CANX: variants seen among roughly 807,000 people sequenced by gnomAD.
CANX encodes epididymis secretory sperm binding protein.
In CANX, 14 loss-of-function variants were observed where a neutral mutation model predicts 75.7. The observed-to-expected ratio is 0.19, with a 90% CI of 0.12 to 0.29. The LOEUF (loss-of-function observed/expected upper bound fraction) is 0.29, where lower values mean the gene tolerates loss of function less well. Among genes scored for constraint, CANX ranks in the 10% least tolerant of loss-of-function variants. CANX has a pLI of 1.00. For missense variants in CANX, 567 were observed against 713.2 expected (o/e 0.79, Z 2.34); for synonymous variants, 227 against 236.9 (o/e 0.96, Z 0.38).
chr5:179,694,302 G>A (rs747505364), upstream of CANX: 1 of 525,864 alleles, frequency 1.9e-6, no homozygotes, highest in Non-Finnish European at 3.5e-6. Context: ...TGTCAATTTT[G>A]CAGAATTTTC....
chr5:179,680,497 C>T (rs1167816045), intron 1 of CANX, among the ~76,000 whole-genome samples: 2 of 152,096 alleles, frequency 1.3e-5, no homozygotes, highest in East Asian at 1.9e-4. Context: ...CGTGTATAGA[C>T]CACAGTCCAG....
chr5:179,717,448 A>G (rs1031317451), intron 8 of CANX, among the ~76,000 whole-genome samples: 2 of 152,328 alleles, frequency 1.3e-5, no homozygotes, highest in East Asian at 3.9e-4. Flanking sequence ...TATATTTCAT[A>G]TAAAATGGAA....
chr5:179,689,432 G>C (rs1776260911), intron 1 of CANX, among the ~76,000 whole-genome samples: 1 of 116,562 alleles, frequency 8.6e-6, no homozygotes, highest in Non-Finnish European at 1.7e-5. Flanking sequence ...TTGTTGCCCA[G>C]GTGGGAGTGT....
intron 10 of CANX, among the ~76,000 whole-genome samples, chr5:179,721,890 G>GCA (rs1480618714): frequency 6.6e-6 from 1 of 151,846 alleles, no homozygotes; most frequent in African/African-American, 2.4e-5. Flanking sequence ...CAGGATCTTG[G>GCA]CATAGTATAT....
intron 1 of CANX, among the ~76,000 whole-genome samples, chr5:179,703,644 T>A (rs896058245): frequency 6.6e-6 from 1 of 151,008 alleles, no homozygotes; most frequent in Non-Finnish European, 1.5e-5. Context: ...CAGGATAATT[T>A]TTTTTTTTTT....
At chr5:179,695,838 G>A (rs374197633), upstream of CANX, among the ~76,000 whole-genome samples, 58 of 148,456 alleles carry the variant, frequency 3.9e-4, no homozygotes, top group East Asian at 4.7e-3. Context: ...TTTTAGTAGA[G>A]ATGGGGTTTC....
chr5:179,721,353 G>C (rs1391487324), intron 10 of CANX, among the ~76,000 whole-genome samples: 1 of 152,256 alleles, frequency 6.6e-6, no homozygotes, highest in East Asian at 1.9e-4. Context: ...GCCTTTCGAA[G>C]TCCTGGGGTT....
intron 1 of CANX, among the ~76,000 whole-genome samples, chr5:179,689,672 G>C (rs1312505480): frequency 6.6e-6 from 1 of 152,110 alleles, no homozygotes; most frequent in Non-Finnish European, 1.5e-5. Context: ...TTACAGGCGT[G>C]AGCCACCACA....
intron 4 of CANX, 115 bp downstream of exon 4, chr5:179,707,305 C>G (rs1777198637): frequency 1.4e-6 from 1 of 706,228 alleles, no homozygotes; most frequent in Non-Finnish European, 2.6e-6. Context: ...ATTTTTCCAG[C>G]CAGGTGCGGT....
intron 14 of CANX, 43 bp downstream of exon 14, chr5:179,726,802 G>A (rs749755903): frequency 2.2e-6 from 3 of 1,362,386 alleles, no homozygotes; most frequent in Admixed American, 1.7e-5. Flanking sequence ...CAAGCTGAAG[G>A]TACATTTATG....
In CANX at chr5:179,730,204, AC is replaced by A. The variant is rs1778913302; in HGVS notation, c.*1561del. On this transcript the variant is annotated 3_prime_UTR_variant, in exon 15 of 15. Transcript: ENST00000247461. ...ACTGTTTCTTGCACTGAATATATAA[AC>A]ACTCCACAGTGTTTATATTGGGAAG... 1 of 152,556 alleles carries A rather than the reference AC, an allele frequency of 6.6e-6. No individual in the cohort carries two copies. The highest frequency in any genetic ancestry group is 1.9e-4 in the East Asian group (1 of 5,202). 9.5% of individuals were successfully genotyped at this position (152,556 alleles called of 1,614,324 possible). A position where few individuals can be genotyped will look rare whatever the true frequency, so the allele number is the denominator to read the frequency against.
intron 7 of CANX, among the ~76,000 whole-genome samples, chr5:179,714,866 G>A (rs552805107): frequency 6.6e-6 from 1 of 152,038 alleles, no homozygotes; most frequent in South Asian, 2.1e-4. Context: ...CCAGGTTCAA[G>A]CGATTCTTGT....
chr5:179,710,171 C>T lies in CANX; in HGVS notation c.721+106C>T, dbSNP rs533303173. 9 of 690,516 alleles carry T rather than the reference C, an allele frequency of 1.3e-5. No individual in the cohort carries two copies. The East Asian group carries it at 2.6e-4, about 20-fold the overall frequency. The allele number at this position is 690,516 out of a possible 1,614,324, so 42.8% of individuals were successfully genotyped here. On this transcript the variant is annotated intron_variant, in intron 7 of 14. Transcript: ENST00000247461. The stretch of plus-strand genomic sequence containing the variant: ...GGCACTGTGGCTCACGCCTGTAATC[C>T]CAGCACTTTGGGAGGCCGAGATGGG...
In CANX at chr5:179,728,604, T is replaced by G; in HGVS notation, c.1739T>G (p.Leu580Trp). The G allele has an allele frequency of 6.2e-7, 1 of 1,600,240 alleles. No homozygotes were observed. Among genetic ancestry groups the G allele is most frequent in the Non-Finnish European group, 8.6e-7 (1 of 1,167,458 alleles). The part of the protein sequence containing the change: ...RKPKAEEDEI[L>W]NRSPRNRKPR... ...TTCAATCAATAGGAGGATGAAATTT[T>G]GAACAGATCACCAAGAAACAGAAAG... is the stretch of plus-strand genomic sequence containing the variant. The change falls in exon 15 of 15, where the codon TTG (leucine) becomes TGG (tryptophan). Residue 580 changes from leucine to tryptophan, a missense_variant. Leu to Trp is a moderately conservative substitution (Grantham distance 61). Transcript: ENST00000247461.
intron 8 of CANX, among the ~76,000 whole-genome samples, chr5:179,716,807 A>G (rs1014532119): frequency 6.6e-6 from 1 of 152,196 alleles, no homozygotes; most frequent in African/African-American, 2.4e-5. Context: ...AGAAGGTGCC[A>G]CAGGAGACCA....
intron 14 of CANX, among the ~76,000 whole-genome samples, 172 bp downstream of exon 14, chr5:179,726,931 T>G: frequency 6.6e-6 from 1 of 152,234 alleles, no homozygotes; most frequent in East Asian, 1.9e-4. Flanking sequence ...GTTTGATAAT[T>G]TTAAGCTACA....
chr5:179,719,687 A>C lies in CANX; in HGVS notation c.931A>C (p.Lys311Gln). Residue 311 changes from lysine (K) to glutamine (Q), a missense_variant, in exon 9 of 15, where the codon AAG (lysine) becomes CAG (glutamine). Coordinates refer to ENST00000247461, the MANE Select transcript of CANX (RefSeq NM_001746.4). ...PDDWDEDAPA[K>Q]IPDEEATKPE... The stretch of plus-strand genomic sequence containing the variant: ...TTTAAGGGATGAAGATGCCCCTGCT[A>C]AGATTCCAGATGAAGAGGCCACAAA... 6.2e-7 allele frequency: 1 copy of C among 1,610,444 alleles called. No homozygotes were observed.
chr5:179,731,123 C>G lies in CANX; in HGVS notation c.*2479C>G, dbSNP rs933809517. On this transcript the variant is annotated 3_prime_UTR_variant, in exon 15 of 15. Coordinates refer to ENST00000247461, the MANE Select transcript of CANX (RefSeq NM_001746.4). The stretch of plus-strand genomic sequence containing the variant: ...CTTTTCTGTCTAGCCCTTGCCTCTT[C>G]CTGCCCATGTGATTGCGGTGCAGTA... 1.3e-5 allele frequency among the ~76,000 whole-genome samples: 2 copies of G among 152,166 alleles called. No individual in the cohort carries two copies. Among genetic ancestry groups the G allele is most frequent in the African/African-American group, 2.4e-5 (1 of 41,420 alleles).
chr5:179,707,596 A>C (rs1022580908), intron 4 of CANX, among the ~76,000 whole-genome samples: 1 of 151,318 alleles, frequency 6.6e-6, no homozygotes, highest in Non-Finnish European at 1.5e-5. Flanking sequence ...AAAAAAAAAA[A>C]AAAAAAAGAT....
Sources: gnomAD v4.1 joint callset for allele counts (sites outside exome capture counted in the v4.1 genomes callset) on GRCh38, gnomAD v4.1.1 for gene constraint, MANE v1.5 for transcripts, NCBI Gene and HGNC (gene_info 2026-07-23, HGNC 2026-07-21) for gene names.